The following SPMIP4 variants were observed in gnomAD, a reference collection of about 807,000 sequenced individuals.
SPMIP4 encodes sperm microtubule inner protein 4.
chr7:25,154,944 A>C, the SPMIP4 span: 2 of 1,459,538 alleles, frequency 1.4e-6, no homozygotes, highest in Non-Finnish European at 1.9e-6. Context: ...TCCTTGCTTT[A>C]ATTTTATTAT....
chr7:25,170,849 A>G, the SPMIP4 span, among the ~76,000 whole-genome samples: 1 of 152,192 alleles, frequency 6.6e-6, no homozygotes, highest in African/African-American at 2.4e-5. Flanking sequence ...AATGGAGAGT[A>G]TTGTAAAGGA....
At chr7:25,157,926 T>C in the SPMIP4 span, among the ~76,000 whole-genome samples, 1 of 152,190 alleles carries the variant, frequency 6.6e-6, no homozygotes, top group African/African-American at 2.4e-5. Flanking sequence ...ATATGGGAAC[T>C]CTCCACACTA....
chr7:25,139,610 A>C, the SPMIP4 span, among the ~76,000 whole-genome samples: 1 of 152,160 alleles, frequency 6.6e-6, no homozygotes, highest in Non-Finnish European at 1.5e-5. Context: ...GTTCATAGTC[A>C]GAGAAATTTC....
the SPMIP4 span, among the ~76,000 whole-genome samples, chr7:25,129,446 C>G: frequency 6.6e-5 from 10 of 152,304 alleles, no homozygotes; most frequent in East Asian, 1.9e-3. Flanking sequence ...CCTGCAATCA[C>G]TGCCCTGTCC....
chr7:25,179,356 T>C, the SPMIP4 span: 1 of 1,584,526 alleles, frequency 6.3e-7, no homozygotes, highest in Non-Finnish European at 8.6e-7. Context: ...GGAGGGCACA[T>C]TTGGCTTGTC....
chr7:25,177,257 T>A, the SPMIP4 span, among the ~76,000 whole-genome samples: 1 of 152,232 alleles, frequency 6.6e-6, no homozygotes, highest in South Asian at 2.1e-4. Flanking sequence ...CTGAGGCGGA[T>A]GGATCACGAG....
chr7:25,140,958 T>C, the SPMIP4 span, among the ~76,000 whole-genome samples: 3 of 152,248 alleles, frequency 2.0e-5, no homozygotes, highest in Non-Finnish European at 4.4e-5. Flanking sequence ...TCACAATTTA[T>C]ATACCTTTAA....
At chr7:25,126,270 C>A in the SPMIP4 span, among the ~76,000 whole-genome samples, 1 of 151,984 alleles carries the variant, frequency 6.6e-6, no homozygotes, top group Admixed American at 6.6e-5. Flanking sequence ...ATTCATTCTT[C>A]TTCAGTGGCG....
the SPMIP4 span, among the ~76,000 whole-genome samples, chr7:25,141,966 G>C: frequency 6.6e-6 from 1 of 152,134 alleles, no homozygotes; most frequent in Non-Finnish European, 1.5e-5. Flanking sequence ...TCGAACTCCT[G>C]ACCTCGTGAT....
At chr7:25,163,787 C>CAT in the SPMIP4 span, among the ~76,000 whole-genome samples, 2 of 152,192 alleles carry the variant, frequency 1.3e-5, no homozygotes, top group African/African-American at 4.8e-5. The surrounding 1 kb of genome is among the most constrained non-coding windows in gnomAD (Gnocchi z 4.4). Flanking sequence ...AACTTATCCT[C>CAT]ATAAGATTAG....
At chr7:25,177,955 C>T in the SPMIP4 span, among the ~76,000 whole-genome samples, 1 of 152,170 alleles carries the variant, frequency 6.6e-6, no homozygotes, top group Non-Finnish European at 1.5e-5. Flanking sequence ...CCTCACCTTC[C>T]TCCCTCTCTC....
the SPMIP4 span, among the ~76,000 whole-genome samples, chr7:25,165,171 G>A: frequency 6.6e-6 from 1 of 152,194 alleles, no homozygotes; most frequent in East Asian, 1.9e-4. Context: ...ACCAGGTGTG[G>A]GAATGAGGAC....
At chr7:25,157,859 G>A in the SPMIP4 span, among the ~76,000 whole-genome samples, 3 of 152,166 alleles carry the variant, frequency 2.0e-5, no homozygotes, top group Non-Finnish European at 4.4e-5. Flanking sequence ...CATTAATTGT[G>A]ACAAATGTGC....
the SPMIP4 span, chr7:25,136,564 T>G: frequency 6.2e-7 from 1 of 1,614,228 alleles, no homozygotes; most frequent in Non-Finnish European, 8.5e-7. This position sits in a 1 kb window ranked among gnomAD's most constrained non-coding sequence, Gnocchi z 5.7. Flanking sequence ...CTCTTCAATA[T>G]CCTGGTTTTT....
the SPMIP4 span, among the ~76,000 whole-genome samples, chr7:25,138,695 G>C: frequency 6.6e-6 from 1 of 152,206 alleles, no homozygotes; most frequent in Non-Finnish European, 1.5e-5. The surrounding 1 kb of genome is among the most constrained non-coding windows in gnomAD (Gnocchi z 6.2). Context: ...AATGTAAAGA[G>C]TTACAGCCAC....
the SPMIP4 span, among the ~76,000 whole-genome samples, chr7:25,170,585 A>G: frequency 6.6e-6 from 1 of 152,226 alleles, no homozygotes; most frequent in Admixed American, 6.5e-5. Context: ...TTTTGGAGTC[A>G]TATCTAAGAA....
chr7:25,136,664 G>A, the SPMIP4 span: 1 of 1,614,006 alleles, frequency 6.2e-7, no homozygotes, highest in African/African-American at 1.3e-5. The surrounding 1 kb of genome is among the most constrained non-coding windows in gnomAD (Gnocchi z 5.7). Flanking sequence ...AAAACTCTAG[G>A]AGTACAATCT....
At chr7:25,167,764 C>G in the SPMIP4 span, among the ~76,000 whole-genome samples, 1 of 152,150 alleles carries the variant, frequency 6.6e-6, no homozygotes, top group East Asian at 1.9e-4. Flanking sequence ...CTGAGTAAAT[C>G]CTTAGGAAAT....
chr7:25,130,958 A>G, the SPMIP4 span, among the ~76,000 whole-genome samples: 5 of 152,344 alleles, frequency 3.3e-5, no homozygotes, highest in African/African-American at 1.2e-4. Flanking sequence ...GGTTTGGAGC[A>G]GGGCCCTCAA....
Sources: gnomAD v4.1 joint callset for allele counts (sites outside exome capture counted in the v4.1 genomes callset) on GRCh38, gnomAD v4.1.1 for gene constraint, Gnocchi (gnomAD v3.1) non-coding constraint, MANE v1.5 for transcripts, NCBI Gene and HGNC (gene_info 2026-07-23, HGNC 2026-07-21) for gene names.